PARP10: variants seen among roughly 807,000 people sequenced by gnomAD.
PARP10 encodes protein mono-ADP-ribosyltransferase PARP10.
Under a neutral mutation model 82.4 loss-of-function variants are expected in PARP10, and 56 were observed. The observed-to-expected ratio is 0.68, with a 90% CI of 0.55 to 0.85. The LOEUF is 0.85. PARP10 is among the 40% of genes least tolerant of loss of function. The pLI is 0.00. For missense variants in PARP10, 1,227 were observed against 1,379.4 expected, an observed-to-expected ratio of 0.89 and a Z score of 1.75; for synonymous variants, 576 against 601.1, an observed-to-expected ratio of 0.96 and a Z score of 0.61.
chr8:144,012,627 A>G (rs1330717814), exon 1 of PARP10: 4 of 1,551,730 alleles, frequency 2.6e-6, no homozygotes, highest in African/African-American at 1.4e-5. Flanking sequence ...TCACGAGCTC[A>G]AGTCAGCGAT....
Position 143,983,626 on chromosome 8 carries a change from C to T in PARP10, c.1963G>A (p.Ala655Thr), listed in dbSNP as rs574093420. ...GACCGGTGGAGGGCCAGCTGCAGAG[C>T]GGCCTCCTCCTCCAGCCACCTGGGT... The part of the protein sequence containing the change: ...VAPRWLEEEA[A>T]LQLALHRSLE... Residue 655 changes from alanine to threonine, a missense_variant, in exon 8 of 11, where the codon GCT (alanine) becomes ACT (threonine). Transcript: ENST00000313028. The T allele has an allele frequency of 4.4e-5, 70 of 1,604,170 alleles. No homozygotes were observed. Among genetic ancestry groups the T allele is most frequent in the African/African-American group, 2.3e-4 (17 of 74,880 alleles).
At chr8:143,983,929 G>A (rs1433919745) in intron 7 of PARP10, 79 bp downstream of exon 7, 1 of 1,476,362 alleles carries the variant, frequency 6.8e-7, no homozygotes, top group Non-Finnish European at 9.1e-7. Flanking sequence ...TCAGTAGACA[G>A]ATGGGAGCAC....
chr8:143,984,116 G>T lies in PARP10; in HGVS notation c.1681-12C>A, dbSNP rs1554748526. On this transcript the variant is annotated splice_polypyrimidine_tract_variant and intron_variant, in intron 6 of 10. Coordinates refer to ENST00000313028, the MANE Select transcript of PARP10 (RefSeq NM_032789.5). ...TCGGTAGGGTCCACCTGTAGGGAGAGGATGTCAGGACCACTAGCCTCTGGG... is the reference window on the plus strand; with the variant it reads ...TCGGTAGGGTCCACCTGTAGGGAGATGATGTCAGGACCACTAGCCTCTGGG... 6.4e-7 allele frequency: 1 copy of T among 1,558,620 alleles called. No individual in the cohort carries two copies. Among genetic ancestry groups the T allele is most frequent in the Non-Finnish European group, 8.7e-7 (1 of 1,151,072 alleles).
upstream of PARP10, chr8:143,986,738 C>T (rs1156758221): frequency 1.6e-5 from 6 of 380,410 alleles, no homozygotes; most frequent in African/African-American, 8.2e-5. Context: ...GCCAATCACC[C>T]GCCCCACTAA....
upstream of PARP10, chr8:143,991,230 C>T (rs372546355): frequency 1.9e-6 from 3 of 1,579,010 alleles, no homozygotes; most frequent in African/African-American, 4.1e-5. Context: ...GGCCATGTCC[C>T]ATGAAAAGAG....
rs184186592 is a variant in PARP10 at position 144,008,237 on chromosome 8, C to T, written c.-80+4293G>A. Among the ~76,000 whole-genome samples, 4 of 152,156 alleles carry T rather than the reference C, an allele frequency of 2.6e-5. No homozygotes were observed. Among genetic ancestry groups the T allele is most frequent in the Non-Finnish European group, 5.9e-5 (4 of 68,032 alleles). The stretch of plus-strand genomic sequence containing the variant: ...CAGCGCACCCAGCATGGAGGCAGCA[C>T]GTTGGGGCCTGTCAGGTGGATGGAA... On this transcript the variant is annotated intron_variant, in intron 1 of 3. Transcript: ENST00000530478. The surrounding 1 kb of genome is among the most constrained non-coding windows in gnomAD (Gnocchi z 4.0).
At chr8:143,982,172 A>G (rs1352867280) in intron 9 of PARP10, among the ~76,000 whole-genome samples, 1 of 152,166 alleles carries the variant, frequency 6.6e-6, no homozygotes, top group Non-Finnish European at 1.5e-5. Flanking sequence ...TCAAGAGTTG[A>G]GAGTGCCCCG....
chr8:143,996,251 A>G (rs563549521), intron 1 of PARP10, among the ~76,000 whole-genome samples: 1 of 152,376 alleles, frequency 6.6e-6, no homozygotes, highest in East Asian at 1.9e-4. Context: ...AAAGGAATTT[A>G]TTTCTCAATC....
intron 1 of PARP10, among the ~76,000 whole-genome samples, chr8:144,012,108 G>A (rs1554752541): frequency 1.3e-5 from 2 of 152,248 alleles, no homozygotes; most frequent in East Asian, 3.8e-4. Context: ...TGTAAAGCCA[G>A]TGGACAATGT....
At position 143,984,786 on chromosome 8, in the gene PARP10, C is replaced by T; in HGVS notation, c.1216G>A (p.Asp406Asn). ...GQEGLVEIAM[D>N]SPEQEGLVGP... ...ACCAGCCCCTCTTGCTCTGGTGAGT[C>T]CATGGCAATTTCCACCAGGCCCTCC... Residue 406 changes from aspartate (D) to asparagine (N), a missense_variant, in exon 5 of 11, where the codon GAC becomes AAC. Asp to Asn is a conservative substitution (Grantham distance 23). Coordinates refer to ENST00000313028, the MANE Select transcript of PARP10 (RefSeq NM_032789.5). The T allele has an allele frequency of 6.2e-7, 1 of 1,612,470 alleles. No homozygotes were observed. The highest frequency in any genetic ancestry group is 8.5e-7 in the Non-Finnish European group (1 of 1,179,032).
intron 1 of PARP10, among the ~76,000 whole-genome samples, chr8:144,007,401 C>T (rs1554752157): frequency 6.6e-6 from 1 of 152,224 alleles, no homozygotes; most frequent in East Asian, 1.9e-4. Flanking sequence ...AAACCAGGGG[C>T]ATGTCCTCAG....
rs139982254 is a variant in PARP10 at position 143,985,120 on chromosome 8, T to G, written c.882A>C (p.Thr294=). ...GCCCTGGTTCCTCGCCAGAGCCCAT[T>G]GTCACAGTCCCTGCACCCTGCAGAG... ...VTALQGAGTV[T]MGSGEEPGQS... is the part of the protein sequence containing the mutation. Residue 294 remains threonine, a synonymous_variant, in exon 5 of 11, where the codon ACA becomes ACC. Coordinates refer to ENST00000313028, the MANE Select transcript of PARP10 (RefSeq NM_032789.5). 1.2e-6 allele frequency: 2 copies of G among 1,613,864 alleles called. No individual in the cohort carries two copies. Among genetic ancestry groups the G allele is most frequent in the African/African-American group, 2.7e-5 (2 of 74,880 alleles).
chr8:143,982,130 G>A (rs1448780653), intron 9 of PARP10, among the ~76,000 whole-genome samples: 5 of 152,136 alleles, frequency 3.3e-5, no homozygotes, highest in Non-Finnish European at 7.4e-5. Flanking sequence ...GGTGGAGGGT[G>A]ATGCTGCTGG....
intron 1 of PARP10, among the ~76,000 whole-genome samples, chr8:144,009,578 C>G (rs949030213): frequency 4.6e-5 from 7 of 152,208 alleles, no homozygotes; most frequent in African/African-American, 1.7e-4. Flanking sequence ...ATACCTCTAA[C>G]GTGTATCTTT....
upstream of PARP10, chr8:143,992,146 G>A (rs782792940): frequency 6.9e-6 from 11 of 1,603,808 alleles, no homozygotes; most frequent in East Asian, 2.0e-4. Context: ...ACTCTTCCGG[G>A]CCTGGTCACC....
chr8:143,991,635 G>C, upstream of PARP10: 1 of 1,592,482 alleles, frequency 6.3e-7, no homozygotes, highest in Non-Finnish European at 8.6e-7. Context: ...TGGGGTGGCC[G>C]GGAGGGCAGG....
At chr8:144,005,685 G>A (rs1157280041) in intron 1 of PARP10, among the ~76,000 whole-genome samples, 2 of 151,502 alleles carry the variant, frequency 1.3e-5, no homozygotes, top group East Asian at 1.9e-4. Context: ...CCTCCTTGAC[G>A]GTCTTCAAAA....
rs201553477 is a variant in PARP10, at chr8:143,984,915, C to T, written c.1087G>A (p.Val363Ile). The change falls in exon 5 of 11, where the codon GTA becomes ATA. Residue 363 changes from valine (V) to isoleucine (I), a missense_variant. By Grantham distance (29) the Val-to-Ile change is conservative (BLOSUM62 3). Coordinates refer to ENST00000313028, the MANE Select transcript of PARP10 (RefSeq NM_032789.5). ...TGCAACCCCACAGGCCTCAGGCTTA[C>T]CAGCCCCTCATGTTCCAGAGACCCC... ...PMGSLEHEGL[V>I]SLRPVGLQEQ... The T allele has an allele frequency of 5.6e-6, 9 of 1,614,042 alleles. No homozygotes were observed. The East Asian group carries it at 1.6e-4, about 28-fold the overall frequency.
upstream of PARP10, chr8:143,992,745 C>G (rs782104783): frequency 1.2e-6 from 2 of 1,613,914 alleles, no homozygotes; most frequent in Non-Finnish European, 1.7e-6. Context: ...TGTCCCTGAG[C>G]CCAGAAGAGT....
Sources: allele counts gnomAD v4.1 joint callset (sites outside exome capture counted in the v4.1 genomes callset), GRCh38; gene constraint gnomAD v4.1.1; non-coding constraint Gnocchi (gnomAD v3.1); transcripts MANE v1.5; gene names NCBI Gene and HGNC (gene_info 2026-07-23, HGNC 2026-07-21).